Variants in THSD7B observed in about 807,000 individuals in gnomAD.
The protein encoded by THSD7B is thrombospondin type-1 domain-containing protein 7B.
Under a neutral mutation model 213.6 loss-of-function variants are expected in THSD7B, and 138 were observed. The ratio of observed to expected loss-of-function variants is 0.65; its 90% confidence interval spans 0.56 to 0.74. The LOEUF (loss-of-function observed/expected upper bound fraction) is 0.74. THSD7B is among the 30% of genes least tolerant of loss of function. The pLI is 0.00. For synonymous variants in THSD7B, 742 were observed against 687.0 expected (o/e 1.08, Z -1.25); for missense variants, 1,931 against 1,991.5 (o/e 0.97, Z 0.58).
intron 2 of THSD7B, among the ~76,000 whole-genome samples, chr2:136,909,089 A>G (rs528200504): frequency 6.6e-6 from 1 of 152,222 alleles, no homozygotes; most frequent in East Asian, 1.9e-4. Flanking sequence ...AGGCTAAGGT[A>G]CAAGAATCAC....
At chr2:137,017,301 GTC>G (rs1686359955) in intron 2 of THSD7B, among the ~76,000 whole-genome samples, 4 of 149,322 alleles carry the variant, frequency 2.7e-5, no homozygotes, top group Admixed American at 2.7e-4. Context: ...TTTTTTCTCT[GTC>G]TCTCTCTTTA....
chr2:137,546,645 A>T (rs999092519), intron 15 of THSD7B, among the ~76,000 whole-genome samples: 2 of 145,218 alleles, frequency 1.4e-5, no homozygotes, highest in Non-Finnish European at 3.0e-5. Flanking sequence ...GTTTTCTGGA[A>T]TTCTTAGTTC....
At chr2:136,809,195 A>G (rs1441745411) in intron 1 of THSD7B, among the ~76,000 whole-genome samples, 1 of 152,194 alleles carries the variant, frequency 6.6e-6, no homozygotes, top group African/African-American at 2.4e-5. Flanking sequence ...AATCTGGAGA[A>G]CACGAGTTGG....
intron 2 of THSD7B, among the ~76,000 whole-genome samples, chr2:136,956,601 CAA>C (rs10676991): frequency 5.8e-5 from 7 of 121,564 alleles, no homozygotes; most frequent in Non-Finnish European, 3.6e-5. Context: ...GACCCTGTCT[CAA>C]AAAAAAAAAA....
chr2:137,050,230 T>G (rs1481349381), intron 2 of THSD7B, among the ~76,000 whole-genome samples: 3 of 152,190 alleles, frequency 2.0e-5, no homozygotes, highest in Non-Finnish European at 2.9e-5. Context: ...GGCTTTAGAA[T>G]TTTTAGAAAG....
At chr2:137,077,001 G>A (rs914952028) in intron 3 of THSD7B, among the ~76,000 whole-genome samples, 4 of 113,530 alleles carry the variant, frequency 3.5e-5, no homozygotes, top group Non-Finnish European at 4.9e-5. Context: ...ACAGGCCCCA[G>A]TGTGTGATGT....
intron 10 of THSD7B, among the ~76,000 whole-genome samples, chr2:137,256,926 A>G (rs1682324132): frequency 6.6e-6 from 1 of 152,186 alleles, no homozygotes; most frequent in African/African-American, 2.4e-5. Context: ...GAGACTGGGA[A>G]GTTCAAGGGT....
intron 5 of THSD7B, among the ~76,000 whole-genome samples, chr2:137,144,878 A>T (rs190072623): frequency 6.6e-6 from 1 of 152,104 alleles, no homozygotes; most frequent in Non-Finnish European, 1.5e-5. Flanking sequence ...TGAATGAACT[A>T]AGCATCAGGA....
At chr2:136,813,676 C>T (rs770868766) in intron 1 of THSD7B, among the ~76,000 whole-genome samples, 14 of 152,032 alleles carry the variant, frequency 9.2e-5, no homozygotes, top group Non-Finnish European at 2.1e-4. Flanking sequence ...CGAGTCAATA[C>T]AATTTCTAAG....
chr2:136,960,945 T>C (rs927247712), intron 2 of THSD7B, among the ~76,000 whole-genome samples: 3 of 151,378 alleles, frequency 2.0e-5, no homozygotes, highest in East Asian at 2.0e-4. Flanking sequence ...AAAAATTAGC[T>C]GGGCAAGGTG....
At chr2:137,060,208 G>C (rs1051981426) in intron 3 of THSD7B, among the ~76,000 whole-genome samples, 1 of 151,940 alleles carries the variant, frequency 6.6e-6, no homozygotes, top group Non-Finnish European at 1.5e-5. Context: ...TTTTTTAATT[G>C]AGTTGTTTTC....
At chr2:137,652,045 T>G (rs915243064) in intron 21 of THSD7B, among the ~76,000 whole-genome samples, 2 of 152,118 alleles carry the variant, frequency 1.3e-5, no homozygotes, top group African/African-American at 4.8e-5. Context: ...GGGTGAAATA[T>G]TCTATAAATA....
At position 137,278,055 on chromosome 2, in the gene THSD7B, C is replaced by A. The variant is rs1448831956; in HGVS notation, c.2500+2029C>A. Among the ~76,000 whole-genome samples the A allele has an allele frequency of 2.6e-5, 4 of 152,002 alleles. 1 individual carries two copies. Among genetic ancestry groups the A allele is most frequent in the Non-Finnish European group, 5.9e-5 (4 of 67,988 alleles). On this transcript the variant is annotated intron_variant, in intron 12 of 27. Coordinates refer to ENST00000409968, the MANE Select transcript of THSD7B (RefSeq NM_001316349.2). ...TGGAGATGCGGGGCTAGACTGAAAT[C>A]AGGTGGATCAAAGGAATGTCTGAAT... is the stretch of plus-strand genomic sequence containing the variant.
intron 3 of THSD7B, among the ~76,000 whole-genome samples, chr2:137,089,349 T>TATATGTGTGTGTATATGTATATATAC (rs1167208326): frequency 3.3e-5 from 5 of 150,050 alleles, no homozygotes; most frequent in African/African-American, 9.8e-5. Context: ...TATATATACA[T>TATATGTGTGTGTATATGTATATATAC]ATATGTGTGT....
chr2:137,476,724 G>C (rs1466670419), intron 15 of THSD7B, among the ~76,000 whole-genome samples: 1 of 152,104 alleles, frequency 6.6e-6, no homozygotes, highest in African/African-American at 2.4e-5. Flanking sequence ...ATTTTTAGTA[G>C]AGACGGGGTT....
At chr2:137,652,383 G>T (rs1363712987) in intron 21 of THSD7B, among the ~76,000 whole-genome samples, 3 of 151,840 alleles carry the variant, frequency 2.0e-5, no homozygotes, top group Admixed American at 2.0e-4. Context: ...TTCTCTTTTT[G>T]GTTTCCAGTT....
chr2:137,049,697 G>A (rs1380949850), intron 2 of THSD7B, among the ~76,000 whole-genome samples: 2 of 152,180 alleles, frequency 1.3e-5, no homozygotes, highest in Non-Finnish European at 2.9e-5. Flanking sequence ...ACAAAGGCAG[G>A]AAGGATCTCA....
At chr2:136,937,796 A>G (rs1684759832) in intron 2 of THSD7B, among the ~76,000 whole-genome samples, 1 of 152,182 alleles carries the variant, frequency 6.6e-6, no homozygotes. Flanking sequence ...GTTCAGAAAA[A>G]GCTACATCTT....
chr2:137,583,320 T>A (rs1198573043), intron 17 of THSD7B, among the ~76,000 whole-genome samples: 1 of 152,386 alleles, frequency 6.6e-6, no homozygotes, highest in African/African-American at 2.4e-5. Context: ...TTTCTTTTGC[T>A]GTGCATAAGC....
Sources: gnomAD v4.1 joint callset for allele counts (sites outside exome capture counted in the v4.1 genomes callset) on GRCh38, gnomAD v4.1.1 for gene constraint, MANE v1.5 for transcripts, NCBI Gene and HGNC (gene_info 2026-07-23, HGNC 2026-07-21) for gene names.